The following MED26 variants were observed in gnomAD, a reference collection of about 807,000 sequenced individuals.
MED26 encodes mediator of RNA polymerase II transcription subunit 26.
In MED26, 7 loss-of-function variants were observed where a neutral mutation model predicts 43.7. The ratio of observed to expected loss-of-function variants is 0.16; its 90% CI spans 0.09 to 0.30. MED26 has a LOEUF of 0.30. Among genes scored for constraint, MED26 ranks in the 10% least tolerant of loss-of-function variants. The pLI, the probability that MED26 is intolerant of heterozygous loss-of-function variation, is 1.00. For missense variants in MED26, 784 were observed against 840.6 expected (o/e 0.93, Z 0.83); for synonymous variants, 375 against 371.1 (o/e 1.01, Z -0.12).
At chr19:16,602,196 G>C (rs2086153029) in intron 1 of MED26, among the ~76,000 whole-genome samples, 1 of 152,238 alleles carries the variant, frequency 6.6e-6, no homozygotes, top group Non-Finnish European at 1.5e-5. Context: ...TGGGACACCA[G>C]TACATCACTG....
At chr19:16,583,392 A>G (rs2086055156) in intron 1 of MED26, among the ~76,000 whole-genome samples, 1 of 152,186 alleles carries the variant, frequency 6.6e-6, no homozygotes, top group Admixed American at 6.5e-5. Flanking sequence ...CCATCAACGA[A>G]GACAGGCGTT....
At chr19:16,598,269 G>A (rs536867297) in intron 1 of MED26, among the ~76,000 whole-genome samples, 5 of 145,016 alleles carry the variant, frequency 3.4e-5, no homozygotes, top group Middle Eastern at 3.8e-3. Flanking sequence ...TCCGGGAGGC[G>A]CAGGCTGCAG....
chr19:16,597,440 T>C, intron 1 of MED26: 3 of 398,644 alleles, frequency 7.5e-6, no homozygotes, highest in Non-Finnish European at 1.3e-5. Flanking sequence ...CACTGTTGTT[T>C]CACACCGCAC....
intron 1 of MED26, among the ~76,000 whole-genome samples, chr19:16,625,268 T>C (rs571024677): frequency 6.6e-6 from 1 of 152,222 alleles, no homozygotes; most frequent in Non-Finnish European, 1.5e-5. Context: ...TTCAAATGCA[T>C]ACTCCAGGGG....
intron 1 of MED26, among the ~76,000 whole-genome samples, chr19:16,617,934 G>C (rs1477495754): frequency 6.6e-6 from 1 of 152,206 alleles, no homozygotes; most frequent in African/African-American, 2.4e-5. Context: ...CCAGGCAAAA[G>C]GGGGAGCAGA....
At chr19:16,603,883 A>G (rs1175984535) in intron 1 of MED26, among the ~76,000 whole-genome samples, 1 of 152,136 alleles carries the variant, frequency 6.6e-6, no homozygotes, top group East Asian at 1.9e-4. Flanking sequence ...GCCATGGAAG[A>G]GGTACCCATG....
At chr19:16,604,912 T>A (rs932110701) in intron 1 of MED26, among the ~76,000 whole-genome samples, 1 of 152,198 alleles carries the variant, frequency 6.6e-6, no homozygotes, top group African/African-American at 2.4e-5. Flanking sequence ...CATCTGTTCA[T>A]ATGGGTGCTG....
intron 2 of MED26, 140 bp downstream of exon 2, chr19:16,578,195 C>T (rs758866917): frequency 4.6e-5 from 37 of 812,316 alleles, no homozygotes; most frequent in Middle Eastern, 7.0e-4. Context: ...TCGCGAGGCA[C>T]GAGCTGTGAG....
intron 1 of MED26, among the ~76,000 whole-genome samples, chr19:16,593,916 TGA>T (rs1393239167): frequency 6.6e-6 from 1 of 152,190 alleles, no homozygotes; most frequent in Non-Finnish European, 1.5e-5. Flanking sequence ...CAACGTGTTT[TGA>T]GAGAGCCTTC....
At position 16,603,698 on chromosome 19, in the gene MED26, C is replaced by T. The variant is rs373716139; in HGVS notation, c.72+24174G>A. ...AAACAGGTACTCTCCCCCAGGCTCA[C>T]TCTGGCAGGCCTCTTGGAGCCCACA... On this transcript the variant is annotated intron_variant, in intron 1 of 2. Transcript: ENST00000263390. Among the ~76,000 whole-genome samples, 161 of 152,312 alleles carry T rather than the reference C, an allele frequency of 1.1e-3. 4 individuals carry two copies. The South Asian group carries it at 0.032, about 31-fold the overall frequency.
At chr19:16,578,492 C>G (rs2086025896) in intron 1 of MED26, 83 bp from the exon 2 acceptor site, 7 of 1,289,880 alleles carry the variant, frequency 5.4e-6, no homozygotes, top group Non-Finnish European at 7.8e-6. Context: ...CTGCTCCAGT[C>G]TCTCCCCAAC....
intron 1 of MED26, among the ~76,000 whole-genome samples, chr19:16,621,673 A>G (rs2086252122): frequency 6.6e-6 from 1 of 151,978 alleles, no homozygotes; most frequent in Non-Finnish European, 1.5e-5. Flanking sequence ...TTGGATGGTC[A>G]CAGAATCCAA....
At chr19:16,614,928 A>G (rs746161302) in intron 1 of MED26, among the ~76,000 whole-genome samples, 2 of 152,180 alleles carry the variant, frequency 1.3e-5, no homozygotes, top group South Asian at 4.1e-4. Flanking sequence ...CCCAAGCCCA[A>G]CTGGGTCCTC....
At chr19:16,585,156 G>T (rs1199034307) in intron 1 of MED26, among the ~76,000 whole-genome samples, 3 of 152,198 alleles carry the variant, frequency 2.0e-5, no homozygotes, top group African/African-American at 7.2e-5. Flanking sequence ...CTGCTTAACA[G>T]ACCTGGTGCA....
intron 1 of MED26, among the ~76,000 whole-genome samples, chr19:16,596,866 C>T (rs2086122256): frequency 6.6e-6 from 1 of 152,212 alleles, no homozygotes; most frequent in Admixed American, 6.5e-5. Flanking sequence ...AGCCTGTAGC[C>T]CTTGCACGGC....
chr19:16,625,680 C>A (rs565193568), intron 1 of MED26, among the ~76,000 whole-genome samples: 39 of 152,252 alleles, frequency 2.6e-4, no homozygotes, highest in Middle Eastern at 3.4e-3. Flanking sequence ...TCACCTGAGC[C>A]CACATTGATC....
chr19:16,625,392 G>C (rs1478122997), intron 1 of MED26, among the ~76,000 whole-genome samples: 1 of 152,166 alleles, frequency 6.6e-6, no homozygotes, highest in Admixed American at 6.5e-5. Context: ...GTGGATATTA[G>C]GTCAGTTCCT....
intron 1 of MED26, among the ~76,000 whole-genome samples, chr19:16,581,578 C>T (rs2086045741): frequency 6.6e-6 from 1 of 152,242 alleles, no homozygotes; most frequent in Non-Finnish European, 1.5e-5. Context: ...ACAAAGTGTC[C>T]TTGTCCTTGG....
chr19:16,597,657 G>C (rs927267722), intron 1 of MED26, among the ~76,000 whole-genome samples: 1 of 152,176 alleles, frequency 6.6e-6, no homozygotes, highest in Non-Finnish European at 1.5e-5. Flanking sequence ...TGGGCTGCTT[G>C]GTGCAGCCTT....
Sources: gnomAD v4.1 joint callset for allele counts (sites outside exome capture counted in the v4.1 genomes callset) on GRCh38, gnomAD v4.1.1 for gene constraint, MANE v1.5 for transcripts, NCBI Gene and HGNC (gene_info 2026-07-23, HGNC 2026-07-21) for gene names.